The following TEX36 variants were observed in gnomAD, a reference collection of about 807,000 sequenced individuals.
The protein encoded by TEX36 is testis-expressed protein 36.
Under a neutral mutation model 13.6 loss-of-function variants are expected in TEX36, and 12 were observed. That is an observed-to-expected ratio of 0.88 (90% CI 0.56 to 1.43). The LOEUF (loss-of-function observed/expected upper bound fraction) is 1.43. Ranked by LOEUF, TEX36 falls within the 40% of genes most tolerant of loss-of-function variation. The pLI, the probability that TEX36 is intolerant of heterozygous loss-of-function variation, is 0.00. For synonymous variants in TEX36, 93 were observed against 83.0 expected (o/e 1.12, Z -0.65); for missense variants, 224 against 228.3 (o/e 0.98, Z 0.12).
At chr10:125,602,230 G>C (rs1015342498) in intron 3 of TEX36, among the ~76,000 whole-genome samples, 4 of 152,172 alleles carry the variant, frequency 2.6e-5, no homozygotes, top group Non-Finnish European at 5.9e-5. Context: ...GTATGAGGCT[G>C]GCCTAGCACC....
At chr10:125,613,112 C>A (rs1301611951) in intron 3 of TEX36, among the ~76,000 whole-genome samples, 1 of 151,666 alleles carries the variant, frequency 6.6e-6, no homozygotes, top group African/African-American at 2.4e-5. Context: ...GTTGAGGTGC[C>A]CCGCCCGACT....
chr10:125,583,428 G>C (rs1334021894), intron 3 of TEX36, among the ~76,000 whole-genome samples: 2 of 151,800 alleles, frequency 1.3e-5, no homozygotes, highest in Non-Finnish European at 2.9e-5. Flanking sequence ...TGAACGCTGT[G>C]TTTTTGCATA....
chr10:125,630,381 T>C (rs549361153), intron 3 of TEX36, among the ~76,000 whole-genome samples: 1 of 152,260 alleles, frequency 6.6e-6, no homozygotes, highest in East Asian at 1.9e-4. Flanking sequence ...AGACTGACTA[T>C]AGGTGGGAGC....
chr10:125,599,444 CT>C (rs545384843), intron 3 of TEX36, among the ~76,000 whole-genome samples: 96 of 152,192 alleles, frequency 6.3e-4, no homozygotes, highest in Non-Finnish European at 1.2e-3. Context: ...ACGTTCATTC[CT>C]TTCATTTTCC....
intron 3 of TEX36, among the ~76,000 whole-genome samples, chr10:125,577,181 G>A (rs372431674): frequency 1.3e-5 from 2 of 152,138 alleles, no homozygotes; most frequent in Non-Finnish European, 2.9e-5. Flanking sequence ...GAGGTCTCAG[G>A]TGCTCTTCTG....
intron 3 of TEX36, among the ~76,000 whole-genome samples, chr10:125,650,033 C>T (rs1375954775): frequency 6.6e-6 from 1 of 152,122 alleles, no homozygotes. Context: ...CTTAGATTCC[C>T]ACACAATAAT....
chr10:125,661,865 A>G lies in TEX36; in HGVS notation c.164T>C (p.Ile55Thr), dbSNP rs1388490947. 1 of 1,551,854 alleles carries G rather than the reference A, an allele frequency of 6.4e-7. No individual in the cohort carries two copies. Among genetic ancestry groups the G allele is most frequent in the Non-Finnish European group, 8.7e-7 (1 of 1,147,018 alleles). Residue 55 changes from isoleucine to threonine, a missense_variant, in exon 2 of 4, where the codon ATA (isoleucine) becomes ACA (threonine). Ile to Thr is a moderately conservative substitution (Grantham distance 89, BLOSUM62 -1). Coordinates refer to ENST00000368821, the MANE Select transcript of TEX36 (RefSeq NM_001128202.3). ...ACTCACCTTCTCCCGGACTTTGTAT[A>G]TGGGCGGCAGCTTCCCCTCCGCTTG... Reference protein sequence around the residue: ...PRQAEGKLPPIYKVREKQAVN... With the variant: ...PRQAEGKLPPTYKVREKQAVN...
intron 3 of TEX36, among the ~76,000 whole-genome samples, chr10:125,649,028 G>T (rs1350077036): frequency 6.6e-6 from 1 of 152,208 alleles, no homozygotes; most frequent in Admixed American, 6.5e-5. Context: ...ATCTACGTCT[G>T]ATTGGTGTAC....
intron 3 of TEX36, among the ~76,000 whole-genome samples, chr10:125,627,703 G>T (rs964495208): frequency 6.6e-6 from 1 of 152,120 alleles, no homozygotes; most frequent in Non-Finnish European, 1.5e-5. Flanking sequence ...TAATGCCATC[G>T]CATTGTACAA....
chr10:125,607,571 T>C (rs1846229944), intron 3 of TEX36, among the ~76,000 whole-genome samples: 1 of 152,156 alleles, frequency 6.6e-6, no homozygotes, highest in Non-Finnish European at 1.5e-5. Flanking sequence ...CCAAAGAATA[T>C]TGTTGAACCA....
At chr10:125,577,158 G>A (rs919471097) in intron 3 of TEX36, among the ~76,000 whole-genome samples, 12 of 152,138 alleles carry the variant, frequency 7.9e-5, no homozygotes, top group African/African-American at 2.9e-4. Flanking sequence ...AAACCAGGAA[G>A]GAAGTTTTCC....
At chr10:125,648,338 G>T (rs575873153) in intron 3 of TEX36, among the ~76,000 whole-genome samples, 1 of 152,170 alleles carries the variant, frequency 6.6e-6, no homozygotes. Context: ...AACATTTGCC[G>T]TTCTGCAATA....
At chr10:125,667,341 A>T in intron 1 of TEX36, 1 of 643,672 alleles carries the variant, frequency 1.6e-6, no homozygotes. Flanking sequence ...TTGGTCACAC[A>T]CTGGCAGTGC....
downstream of TEX36, among the ~76,000 whole-genome samples, chr10:125,655,367 C>T (rs140717413): frequency 5.8e-3 from 883 of 152,242 alleles, 9 homozygotes; most frequent in African/African-American, 0.02. Flanking sequence ...ATCGCTTGAA[C>T]CCAGAAGGCA....
Position 125,678,880 on chromosome 10 carries a change from G to A in TEX36, c.51+4059C>T, listed in dbSNP as rs529886553. Among the ~76,000 whole-genome samples, 13 of 152,236 alleles carry A rather than the reference G, an allele frequency of 8.5e-5. No homozygotes were observed. In the East Asian group the frequency reaches 2.5e-3, roughly 29 times the overall value. On this transcript the variant is annotated intron_variant, in intron 1 of 3. Coordinates refer to ENST00000368821, the MANE Select transcript of TEX36 (RefSeq NM_001128202.3). ...CCCGGCTGGGTGGGCTTGCGCTCAG[G>A]CCCCCAAAATATGACAGCAGGCACC...
At chr10:125,632,608 G>T (rs1318183043) in intron 3 of TEX36, among the ~76,000 whole-genome samples, 1 of 152,182 alleles carries the variant, frequency 6.6e-6, no homozygotes, top group Non-Finnish European at 1.5e-5. Flanking sequence ...TGGTAAAAGT[G>T]ATGGGAAATA....
At chr10:125,612,673 C>T (rs998508074) in intron 3 of TEX36, among the ~76,000 whole-genome samples, 22 of 152,112 alleles carry the variant, frequency 1.4e-4, no homozygotes, top group African/African-American at 3.6e-4. Context: ...AGTAATCCCC[C>T]GGGCTTTATA....
At chr10:125,668,932 G>T (rs943817402) in intron 1 of TEX36, among the ~76,000 whole-genome samples, 2 of 152,196 alleles carry the variant, frequency 1.3e-5, no homozygotes, top group African/African-American at 4.8e-5. Context: ...GCTGAGGCAG[G>T]TGGATCACCT....
chr10:125,648,255 T>C (rs530832661), intron 3 of TEX36, among the ~76,000 whole-genome samples: 1 of 152,328 alleles, frequency 6.6e-6, no homozygotes, highest in Admixed American at 6.5e-5. Context: ...CACCTACCAG[T>C]AGGGGCCGAC....
Sources: gnomAD v4.1 joint callset for allele counts (sites outside exome capture counted in the v4.1 genomes callset) on GRCh38, gnomAD v4.1.1 for gene constraint, MANE v1.5 for transcripts, NCBI Gene and HGNC (gene_info 2026-07-23, HGNC 2026-07-21) for gene names.